Variants in EXOC6B observed in about 807,000 individuals in gnomAD.
The protein encoded by EXOC6B is SEC15 homolog B.
Under a neutral mutation model 113.5 loss-of-function variants are expected in EXOC6B, and 54 were observed. The observed-to-expected ratio is 0.48, with a 90% CI of 0.38 to 0.60. EXOC6B has a LOEUF of 0.60. Among genes scored for constraint, EXOC6B ranks in the 20% least tolerant of loss-of-function variants. The pLI is 0.00. For synonymous variants in EXOC6B, 357 were observed against 339.0 expected, an observed-to-expected ratio of 1.05 and a Z score of -0.58; for missense variants, 797 against 977.5, an observed-to-expected ratio of 0.82 and a Z score of 2.46.
intron 18 of EXOC6B, among the ~76,000 whole-genome samples, chr2:72,410,990 C>T (rs1694144605): frequency 6.6e-6 from 1 of 152,168 alleles, no homozygotes; most frequent in Admixed American, 6.5e-5. Context: ...CGGTGGATAG[C>T]CTGAGCTCAA....
At chr2:72,469,682 T>C (rs979671100) in intron 17 of EXOC6B, among the ~76,000 whole-genome samples, 16 of 152,086 alleles carry the variant, frequency 1.1e-4, no homozygotes, top group Non-Finnish European at 1.6e-4. Context: ...TTCTATTGCC[T>C]AGAACATGGT....
intron 6 of EXOC6B, among the ~76,000 whole-genome samples, chr2:72,697,843 T>C (rs988729424): frequency 8.5e-5 from 13 of 152,202 alleles, no homozygotes; most frequent in African/African-American, 3.1e-4. Context: ...CTAATATCAC[T>C]ACAACTAAGA....
chr2:72,372,708 G>C (rs1691112436), intron 19 of EXOC6B, among the ~76,000 whole-genome samples: 1 of 151,980 alleles, frequency 6.6e-6, no homozygotes, highest in Non-Finnish European at 1.5e-5. Flanking sequence ...AGGCGGGTAT[G>C]GTGGCACACA....
At chr2:72,206,149 T>G (rs1679827378) in intron 20 of EXOC6B, among the ~76,000 whole-genome samples, 1 of 152,226 alleles carries the variant, frequency 6.6e-6, no homozygotes. Context: ...AAGATACTAT[T>G]TCTCAGGCCT....
intron 1 of EXOC6B, among the ~76,000 whole-genome samples, chr2:72,781,702 A>C (rs1055697866): frequency 6.6e-6 from 1 of 152,136 alleles, no homozygotes; most frequent in Non-Finnish European, 1.5e-5. Flanking sequence ...GTGAGGAAAT[A>C]ATAGACTCTT....
At chr2:72,216,652 A>G (rs987759833) in intron 20 of EXOC6B, among the ~76,000 whole-genome samples, 4 of 152,212 alleles carry the variant, frequency 2.6e-5, no homozygotes, top group Non-Finnish European at 5.9e-5. Flanking sequence ...GAACCAACCC[A>G]AATGCCCATC....
intron 20 of EXOC6B, among the ~76,000 whole-genome samples, chr2:72,209,245 A>G (rs1348376849): frequency 8.6e-6 from 1 of 115,628 alleles, no homozygotes; most frequent in African/African-American, 3.1e-5. Flanking sequence ...AAAAAAAAAA[A>G]AAGAAAAGAA....
intron 1 of EXOC6B, among the ~76,000 whole-genome samples, chr2:72,801,820 C>T (rs1034437973): frequency 2.0e-5 from 3 of 152,256 alleles, no homozygotes; most frequent in Admixed American, 6.5e-5. Context: ...AGAAGATTCA[C>T]GTAAAAGAAG....
chr2:72,326,725 G>A (rs560262790), intron 20 of EXOC6B, among the ~76,000 whole-genome samples: 1 of 151,972 alleles, frequency 6.6e-6, no homozygotes, highest in East Asian at 2.0e-4. Context: ...AACACCTAAT[G>A]GAAAGGGTGT....
rs1553432053 is a variant in EXOC6B, at chr2:72,514,617, T to TATATATAC, written c.1046+16_1046+17insGTATATAT. On this transcript the variant is annotated intron_variant, in intron 10 of 21. Transcript: ENST00000272427. ...AAATAAATAAATAAATATATATATATATATATATATACCTACCCTACAATT... is the reference window on the plus strand; with the variant it reads ...AAATAAATAAATAAATATATATATATATATATACATATATATATACCTACCCTACAATT... 106 of 393,240 alleles carry TATATATAC rather than the reference T, an allele frequency of 2.7e-4. 1 individual carries two copies. Among genetic ancestry groups the TATATATAC allele is most frequent in the African/African-American group, 2.1e-3 (94 of 44,742 alleles). 24.4% of individuals were successfully genotyped at this position (393,240 alleles called of 1,614,324 possible). A position where few individuals can be genotyped will look rare whatever the true frequency, so the allele number is the denominator to read the frequency against.
At chr2:72,483,359 A>G (rs1009329282) in intron 16 of EXOC6B, among the ~76,000 whole-genome samples, 4 of 152,226 alleles carry the variant, frequency 2.6e-5, no homozygotes, top group Non-Finnish European at 5.9e-5. Flanking sequence ...CATTCTGCCA[A>G]TCAAAAGAAA....
chr2:72,189,962 C>A (rs936784867), intron 20 of EXOC6B, among the ~76,000 whole-genome samples: 1 of 146,398 alleles, frequency 6.8e-6, no homozygotes, highest in Non-Finnish European at 1.5e-5. Context: ...CATTCTCCTG[C>A]CTCAGCCTCC....
intron 8 of EXOC6B, among the ~76,000 whole-genome samples, chr2:72,546,390 C>A (rs1269986611): frequency 6.6e-6 from 1 of 151,938 alleles, no homozygotes; most frequent in Admixed American, 6.6e-5. Flanking sequence ...CAGAGTGAGC[C>A]AAGATGGCGC....
At chr2:72,706,999 C>A (rs1040091804) in intron 6 of EXOC6B, among the ~76,000 whole-genome samples, 20 of 152,278 alleles carry the variant, frequency 1.3e-4, no homozygotes, top group African/African-American at 4.8e-4. Flanking sequence ...ACCATCCCAA[C>A]AAAGGTGCCA....
At chr2:72,345,849 C>CA (rs1689298417) in intron 19 of EXOC6B, among the ~76,000 whole-genome samples, 2 of 152,106 alleles carry the variant, frequency 1.3e-5, no homozygotes, top group Admixed American at 6.6e-5. Context: ...AAGGATGTGT[C>CA]ACTGTATATT....
At chr2:72,675,185 C>G (rs540590408) in intron 6 of EXOC6B, among the ~76,000 whole-genome samples, 1 of 152,316 alleles carries the variant, frequency 6.6e-6, no homozygotes, top group Admixed American at 6.5e-5. Flanking sequence ...ATATCACTAA[C>G]TGGTTCTTTG....
chr2:72,306,282 G>A (rs1686853391), intron 20 of EXOC6B, among the ~76,000 whole-genome samples: 1 of 152,128 alleles, frequency 6.6e-6, no homozygotes, highest in African/African-American at 2.4e-5. Flanking sequence ...GTTCTAGAGA[G>A]TTAGGTGACT....
At chr2:72,823,459 G>GAAAAAAAAAAAAAAAAA (rs1237385156) in intron 1 of EXOC6B, among the ~76,000 whole-genome samples, 7 of 70,016 alleles carry the variant, frequency 1.0e-4, no homozygotes, top group African/African-American at 3.3e-4. Flanking sequence ...AAAGTTTTAA[G>GAAAAAAAAAAAAAAAAA]AAAAAAAAAA....
intron 18 of EXOC6B, among the ~76,000 whole-genome samples, chr2:72,432,396 G>A (rs552056461): frequency 1.3e-5 from 2 of 152,280 alleles, no homozygotes; most frequent in East Asian, 3.9e-4. Context: ...ACATGTACAT[G>A]TGTCTTTATG....
Sources: gnomAD v4.1 joint callset for allele counts (sites outside exome capture counted in the v4.1 genomes callset) on GRCh38, gnomAD v4.1.1 for gene constraint, MANE v1.5 for transcripts, NCBI Gene and HGNC (gene_info 2026-07-23, HGNC 2026-07-21) for gene names.